Variants in ARID4B observed in about 807,000 individuals in gnomAD.
ARID4B encodes AT-rich interaction domain 4B.
A neutral mutation model predicts 147.5 loss-of-function variants in ARID4B; 26 were observed. The observed-to-expected ratio is 0.18, with a 90% CI of 0.13 to 0.24. The LOEUF (loss-of-function observed/expected upper bound fraction) is 0.24. Among genes scored for constraint, ARID4B ranks in the 10% least tolerant of loss-of-function variants. The pLI is 1.00. For synonymous variants in ARID4B, 512 were observed against 507.9 expected (o/e 1.01, Z -0.11); for missense variants, 1,179 against 1,511.5 (o/e 0.78, Z 3.65).
chr1:235,234,289 C>T, intron 9 of ARID4B, 124 bp downstream of exon 9: 1 of 649,272 alleles, frequency 1.5e-6, no homozygotes. Context: ...TTGAAACATT[C>T]TGTATGATGA....
At chr1:235,172,868 G>A (rs1018260258) in intron 22 of ARID4B, 104 bp from the exon 23 acceptor site, 3 of 957,826 alleles carry the variant, frequency 3.1e-6, no homozygotes, top group African/African-American at 1.7e-5. Context: ...TGAGGCAGAT[G>A]AACTAAAAAA....
intron 23 of ARID4B, among the ~76,000 whole-genome samples, chr1:235,171,653 T>C (rs1398722128): frequency 6.6e-6 from 1 of 151,936 alleles, no homozygotes; most frequent in African/African-American, 2.4e-5. Flanking sequence ...GTCTTTTTTT[T>C]TTTGAGACAG....
chr1:235,319,826 T>C (rs914068704), intron 2 of ARID4B, among the ~76,000 whole-genome samples: 4 of 151,656 alleles, frequency 2.6e-5, no homozygotes, highest in Non-Finnish European at 4.4e-5. Flanking sequence ...ACCCCATTGC[T>C]ACTAAAAACA....
chr1:235,208,482 T>C (rs1416684153), intron 17 of ARID4B, among the ~76,000 whole-genome samples: 1 of 152,052 alleles, frequency 6.6e-6, no homozygotes, highest in African/African-American at 2.4e-5. Context: ...CACACTATAA[T>C]ATTAGTAATT....
intron 11 of ARID4B, chr1:235,228,910 G>A (rs1323656150): frequency 1.5e-5 from 3 of 203,726 alleles, no homozygotes; most frequent in African/African-American, 2.4e-5. Context: ...CTCCCAAAGT[G>A]CTGGGATTAC....
At chr1:235,296,336 AAAGT>A (rs1422049227) in intron 2 of ARID4B, 4 of 152,588 alleles carry the variant, frequency 2.6e-5, no homozygotes, top group Non-Finnish European at 5.9e-5. Context: ...GGGATCATCT[AAAGT>A]GAGCCCAGCT....
intron 6 of ARID4B, among the ~76,000 whole-genome samples, chr1:235,248,945 G>A (rs1040041286): frequency 1.3e-5 from 2 of 152,198 alleles, no homozygotes; most frequent in Non-Finnish European, 2.9e-5. Context: ...CTATGGCCCT[G>A]TTACCTAAAA....
chr1:235,173,042 T>G (rs945246886), intron 22 of ARID4B, among the ~76,000 whole-genome samples: 1 of 152,000 alleles, frequency 6.6e-6, no homozygotes, highest in Non-Finnish European at 1.5e-5. Context: ...CAGTAAAAAA[T>G]CACACTTAAA....
rs780426224 is a variant in ARID4B at position 235,316,948 on chromosome 1, C to G, written c.6+9966G>C. Among the ~76,000 whole-genome samples, 46 of 152,172 alleles carry G rather than the reference C, an allele frequency of 3.0e-4. 1 individual carries two copies. The highest frequency in any genetic ancestry group is 1.0e-4 in the Non-Finnish European group (7 of 68,014). On this transcript the variant is annotated intron_variant, in intron 2 of 23. Coordinates refer to ENST00000264183, the MANE Select transcript of ARID4B (RefSeq NM_016374.6). ...CACCAAAGGGAAATGCTCACTGGAA[C>G]ATTTTGGATTTTCAGATTTGGGATG...
At chr1:235,186,406 T>C (rs1261265332) in intron 19 of ARID4B, among the ~76,000 whole-genome samples, 1 of 151,020 alleles carries the variant, frequency 6.6e-6, no homozygotes, top group Non-Finnish European at 1.5e-5. Context: ...CTACTGAATT[T>C]GCTTATTTTT....
intron 6 of ARID4B, among the ~76,000 whole-genome samples, chr1:235,247,006 C>G (rs1314292430): frequency 6.6e-6 from 1 of 152,138 alleles, no homozygotes; most frequent in African/African-American, 2.4e-5. Flanking sequence ...TATATTACTA[C>G]TCTGCAAACA....
intron 16 of ARID4B, 146 bp from the exon 17 acceptor site, chr1:235,214,172 T>C: frequency 9.9e-7 from 1 of 1,006,504 alleles, no homozygotes; most frequent in Non-Finnish European, 1.4e-6. Context: ...GAGTTTCATT[T>C]TACTATTAAA....
At chr1:235,263,029 T>C (rs902183343) in intron 2 of ARID4B, among the ~76,000 whole-genome samples, 3 of 152,156 alleles carry the variant, frequency 2.0e-5, no homozygotes, top group African/African-American at 7.2e-5. Flanking sequence ...GTGGTTCAAT[T>C]GGTACTGGGT....
At chr1:235,251,881 A>G (rs1669666761) in intron 6 of ARID4B, among the ~76,000 whole-genome samples, 1 of 152,156 alleles carries the variant, frequency 6.6e-6, no homozygotes, top group Non-Finnish European at 1.5e-5. Flanking sequence ...AACTTTGTGA[A>G]CCCTCTGCTC....
At position 235,327,969 on chromosome 1, in the gene ARID4B, G is replaced by C. The variant is rs973235406; in HGVS notation, c.-250C>G. Reference sequence around the variant, plus strand: ...GGCGGCCGCTCGGGCTCCCTGGTTGGGGGGAGGGGGACGACGAAAAATCCC... The same window carrying C: ...GGCGGCCGCTCGGGCTCCCTGGTTGCGGGGAGGGGGACGACGAAAAATCCC... On this transcript the variant is annotated 5_prime_UTR_variant, in exon 1 of 24. Coordinates refer to ENST00000264183, the MANE Select transcript of ARID4B (RefSeq NM_016374.6). 6.6e-6 allele frequency: 1 copy of C among 152,620 alleles called. No homozygotes were observed. Among genetic ancestry groups the C allele is most frequent in the East Asian group, 1.9e-4 (1 of 5,186 alleles). 9.5% of individuals were successfully genotyped at this position (152,620 alleles called of 1,614,324 possible).
At chr1:235,316,278 C>G (rs535331513) in intron 2 of ARID4B, among the ~76,000 whole-genome samples, 1 of 152,032 alleles carries the variant, frequency 6.6e-6, no homozygotes, top group East Asian at 1.9e-4. Context: ...AAGGCTGAGG[C>G]GGGCGGATCA....
intron 2 of ARID4B, among the ~76,000 whole-genome samples, chr1:235,262,445 G>A (rs1344362424): frequency 6.6e-6 from 1 of 152,118 alleles, no homozygotes. Flanking sequence ...CTTACAGAAA[G>A]ATAATCATTT....
In ARID4B at chr1:235,175,529, A is replaced by G. The variant is rs948793855; in HGVS notation, c.3449-130T>C. 34 of 701,038 alleles carry G rather than the reference A, an allele frequency of 4.8e-5. No individual in the cohort carries two copies. The South Asian group carries it at 6.5e-4, about 13-fold the overall frequency. The allele number at this position is 701,038 out of a possible 1,614,324, so 43.4% of individuals were successfully genotyped here. A position where few individuals can be genotyped will look rare whatever the true frequency, so the allele number is the denominator to read the frequency against. On this transcript the variant is annotated intron_variant, in intron 21 of 23. Transcript: ENST00000264183. ...AAACAACCTGCCTAGAAACCTGGAA[A>G]ATCATATACAAATGCAGCAGCATCT...
intron 2 of ARID4B, among the ~76,000 whole-genome samples, chr1:235,292,179 T>C (rs1010974640): frequency 6.6e-6 from 1 of 152,224 alleles, no homozygotes; most frequent in Non-Finnish European, 1.5e-5. Context: ...TTTGCAATCA[T>C]CCTGATTGTC....
Sources: allele counts gnomAD v4.1 joint callset (sites outside exome capture counted in the v4.1 genomes callset), GRCh38; gene constraint gnomAD v4.1.1; transcripts MANE v1.5; gene names NCBI Gene and HGNC (gene_info 2026-07-23, HGNC 2026-07-21).